Variants in CLCN5 observed in about 807,000 individuals in gnomAD.
CLCN5 encodes H(+)/Cl(-) exchange transporter 5.
Under a neutral mutation model 54.0 loss-of-function variants are expected in CLCN5, and 17 were observed. That is an observed-to-expected ratio of 0.31 (90% CI 0.22 to 0.47). CLCN5 has a LOEUF of 0.47. Among genes scored for constraint, CLCN5 ranks in the 20% least tolerant of loss-of-function variants. CLCN5 has a pLI of 1.00. For synonymous variants in CLCN5, 222 were observed against 233.0 expected, an observed-to-expected ratio of 0.95 and a Z score of 0.43; for missense variants, 448 against 646.7, an observed-to-expected ratio of 0.69 and a Z score of 3.33.
intron 4 of CLCN5, among the ~76,000 whole-genome samples, chrX:50,052,763 G>C (rs1421319103): frequency 1.8e-5 from 2 of 111,619 alleles, no homozygotes; most frequent in Non-Finnish European, 3.8e-5. Flanking sequence ...ACAACACGAT[G>C]ATAGTTAATA....
intron 3 of CLCN5, chrX:50,009,780 C>T (rs781947379): frequency 2.6e-5 from 10 of 384,740 alleles, no homozygotes; most frequent in South Asian, 4.7e-5. Flanking sequence ...GCAATGCACC[C>T]GGGCAAGGAT....
chrX:50,073,862 T>C (rs1386699356), intron 6 of CLCN5, among the ~76,000 whole-genome samples: 2 of 111,811 alleles, frequency 1.8e-5, no homozygotes, highest in African/African-American at 6.5e-5. Context: ...AGAAAAACTT[T>C]ATTTGCAAAA....
chrX:50,063,537 A>T (rs1340516967), intron 4 of CLCN5, among the ~76,000 whole-genome samples: 1 of 107,062 alleles, frequency 9.3e-6, no homozygotes, highest in African/African-American at 3.7e-5. Flanking sequence ...AACCAAAAAG[A>T]GTCCAGGACC....
intron 7 of CLCN5, among the ~76,000 whole-genome samples, chrX:50,076,776 C>T (rs1044509943): frequency 1.1e-4 from 12 of 112,077 alleles, no homozygotes; most frequent in African/African-American, 3.9e-4. Flanking sequence ...TCAAGTGACC[C>T]TCCTGCCTTG....
In CLCN5 at chrX:50,092,703, G is replaced by C. The variant is rs1280831140; in HGVS notation, c.*484G>C. 1 of 125,589 alleles carries C rather than the reference G, an allele frequency of 8.0e-6. No homozygotes were observed. The highest frequency in any genetic ancestry group is 1.6e-5 in the Non-Finnish European group (1 of 60,938). The allele number at this position is 125,589 out of a possible 1,213,427, so 10.3% of individuals were successfully genotyped here. A position where few individuals can be genotyped will look rare whatever the true frequency, so the allele number is the denominator to read the frequency against. On this transcript the variant is annotated 3_prime_UTR_variant, in exon 15 of 15. Transcript: ENST00000376091. ...AGAAAGGAAAGCCAGAAGGAAAAGA[G>C]TAATGGTATTTTCTAGACTGTGAAG...
intron 12 of CLCN5, 94 bp from the exon 13 acceptor site, chrX:50,090,022 T>C (rs1243349008): frequency 1.9e-5 from 18 of 946,668 alleles, no homozygotes; most frequent in Non-Finnish European, 2.1e-5. Context: ...GAGACCTCAT[T>C]GTTTTTGGTA....
Position 50,007,397 on chromosome X carries a change from T to TTCTCTCTCTCTCTCTC in CLCN5, c.17-34893_17-34878dup, listed in dbSNP as rs781888075. On this transcript the variant is annotated intron_variant, in intron 3 of 14. Transcript: ENST00000376091. ...ATTTTCTGTCTCTCTCTCTCTCTCT[T>TTCTCTCTCTCTCTCTC]TCTCTCTCTCTCTCTCTCTCTCTCT... 6.7e-4 allele frequency among the ~76,000 whole-genome samples: 43 copies of TTCTCTCTCTCTCTCTC among 64,375 alleles called. 1 individual carries two copies. Among genetic ancestry groups the TTCTCTCTCTCTCTCTC allele is most frequent in the Admixed American group, 1.1e-3 (6 of 5,572 alleles). The allele number at this position is 64,375 out of a possible 115,157, so 55.9% of individuals were successfully genotyped here.
At chrX:49,974,684 T>C (rs1928395375) in intron 3 of CLCN5, among the ~76,000 whole-genome samples, 2 of 111,737 alleles carry the variant, frequency 1.8e-5, no homozygotes, top group African/African-American at 6.5e-5. Flanking sequence ...GTCTCCCAGA[T>C]GAAGTGCTTA....
chrX:50,060,663 A>G (rs1402404934), intron 4 of CLCN5, among the ~76,000 whole-genome samples: 4 of 111,526 alleles, frequency 3.6e-5, no homozygotes, highest in African/African-American at 1.3e-4. Flanking sequence ...CCACAGCTCA[A>G]GGAGGCCTGC....
intron 11 of CLCN5, among the ~76,000 whole-genome samples, chrX:50,088,249 C>T (rs1207210254): frequency 8.9e-6 from 1 of 112,063 alleles, no homozygotes; most frequent in East Asian, 2.8e-4. Context: ...TAATGCCTGC[C>T]TCCTGGGGTT....
At chrX:50,077,621 A>AGTGTGTGT (rs34262397) in intron 7 of CLCN5, among the ~76,000 whole-genome samples, 14 of 78,702 alleles carry the variant, frequency 1.8e-4, no homozygotes, top group African/African-American at 6.5e-4. Context: ...AGAGAGAGAG[A>AGTGTGTGT]GTGTGTGTGT....
intron 3 of CLCN5, among the ~76,000 whole-genome samples, chrX:50,034,601 C>T: frequency 9.0e-6 from 1 of 111,252 alleles, no homozygotes; most frequent in African/African-American, 3.3e-5. Context: ...TTTGTGGGGT[C>T]GTGTGTGTCA....
intron 3 of CLCN5, among the ~76,000 whole-genome samples, chrX:50,027,985 T>A (rs962694696): frequency 3.6e-5 from 4 of 111,782 alleles, no homozygotes; most frequent in Non-Finnish European, 7.5e-5. Flanking sequence ...AAAGGTACAG[T>A]TCTTTCAGTC....
At chrX:50,025,330 CT>C (rs1931306294) in intron 3 of CLCN5, among the ~76,000 whole-genome samples, 1 of 79,760 alleles carries the variant, frequency 1.3e-5, no homozygotes, top group Admixed American at 1.4e-4. Flanking sequence ...CCTCGCCCTG[CT>C]TCGGCTCGCG....
At chrX:49,973,481 A>G in intron 3 of CLCN5, among the ~76,000 whole-genome samples, 1 of 103,291 alleles carries the variant, frequency 9.7e-6, no homozygotes, top group East Asian at 2.9e-4. Flanking sequence ...GTCATTTAGC[A>G]TATCTCCTAA....
At chrX:50,060,722 A>C (rs1298220880) in intron 4 of CLCN5, among the ~76,000 whole-genome samples, 1 of 112,060 alleles carries the variant, frequency 8.9e-6, no homozygotes, top group South Asian at 3.7e-4. Flanking sequence ...ACAAACAAAA[A>C]GATAGCAGTA....
rs200613023 is a variant in CLCN5, at chrX:50,060,281, C to T, written c.164-9598C>T. Among the ~76,000 whole-genome samples the T allele has an allele frequency of 7.2e-5, 8 of 110,705 alleles. No individual in the cohort carries two copies. The East Asian group carries it at 1.4e-3, about 20-fold the overall frequency. ...TCACTAGGGAGTGCCAGAGAGTGGG[C>T]GCAGGCCAGTGGGTGCGCGCACCGT... On this transcript the variant is annotated intron_variant, in intron 4 of 14. Transcript: ENST00000376091.
At chrX:50,074,221 T>G (rs1443991751) in intron 6 of CLCN5, among the ~76,000 whole-genome samples, 2 of 112,090 alleles carry the variant, frequency 1.8e-5, no homozygotes, top group African/African-American at 6.5e-5. Context: ...CCTAATAGAT[T>G]TCAAGGGAAG....
chrX:49,939,069 A>G (rs1926170336), intron 3 of CLCN5, among the ~76,000 whole-genome samples: 2 of 111,008 alleles, frequency 1.8e-5, no homozygotes, highest in Admixed American at 9.6e-5. Context: ...AGAGAAATGC[A>G]AATCAAAACC....
Sources: gnomAD v4.1 joint callset for allele counts (sites outside exome capture counted in the v4.1 genomes callset) on GRCh38, gnomAD v4.1.1 for gene constraint, MANE v1.5 for transcripts, NCBI Gene and HGNC (gene_info 2026-07-23, HGNC 2026-07-21) for gene names.